TET3: variants seen among roughly 807,000 people sequenced by gnomAD.
TET3 encodes the protein methylcytosine dioxygenase TET3.
A neutral mutation model predicts 141.4 loss-of-function variants in TET3; 19 were observed. The ratio of observed to expected loss-of-function variants is 0.13; its 90% CI spans 0.09 to 0.20. The LOEUF is 0.20. Ranked by LOEUF, TET3 falls within the 10% of genes least tolerant of loss-of-function variation. The pLI is 1.00. For missense variants in TET3, 1,874 were observed against 2,356.9 expected (o/e 0.80, Z 4.24); for synonymous variants, 1,043 against 980.9 (o/e 1.06, Z -1.18).
chr2:74,027,150 T>A (rs190350446), intron 3 of TET3, among the ~76,000 whole-genome samples: 1 of 152,322 alleles, frequency 6.6e-6, no homozygotes, highest in Non-Finnish European at 1.5e-5. Context: ...CCCTTTCCTC[T>A]GTCCCTGTCT....
At chr2:74,055,406 G>A (rs1688161557) in intron 4 of TET3, among the ~76,000 whole-genome samples, 1 of 152,144 alleles carries the variant, frequency 6.6e-6, no homozygotes, top group Non-Finnish European at 1.5e-5. Context: ...GCTGTACATG[G>A]TTTCACAGGC....
At chr2:74,019,774 C>A (rs924337987) in intron 3 of TET3, among the ~76,000 whole-genome samples, 1 of 152,146 alleles carries the variant, frequency 6.6e-6, no homozygotes, top group African/African-American at 2.4e-5. Flanking sequence ...CTTGTCCCCG[C>A]AGGAAAAAGG....
chr2:74,032,392 T>C (rs1373952094), intron 3 of TET3, among the ~76,000 whole-genome samples: 1 of 103,424 alleles, frequency 9.7e-6, no homozygotes, highest in Non-Finnish European at 2.1e-5. Context: ...TTTCTGGCCA[T>C]GGGACGTGCA....
the TET3 span, among the ~76,000 whole-genome samples, chr2:74,115,211 T>C: frequency 2.0e-5 from 3 of 152,070 alleles, no homozygotes; most frequent in African/African-American, 7.2e-5. Flanking sequence ...ACTCATTCAA[T>C]AGGGAACGAA....
chr2:74,011,624 C>T (rs1685440101), intron 3 of TET3, among the ~76,000 whole-genome samples: 1 of 152,252 alleles, frequency 6.6e-6, no homozygotes. Context: ...TTCTTTTCTA[C>T]CTGGGCCTTA....
At chr2:73,998,619 C>T (rs1684706086) in intron 2 of TET3, 1 of 152,422 alleles carries the variant, frequency 6.6e-6, no homozygotes, top group South Asian at 2.1e-4. Context: ...CTTCCGCTGC[C>T]AAAGCTAATT....
chr2:73,995,278 A>G (rs1184804962), intron 2 of TET3, among the ~76,000 whole-genome samples: 1 of 152,214 alleles, frequency 6.6e-6, no homozygotes, highest in Non-Finnish European at 1.5e-5. Context: ...TGTTTTTTAG[A>G]TGACTACATG....
intron 8 of TET3, 136 bp downstream of exon 8, chr2:74,090,183 C>A: frequency 1.5e-6 from 2 of 1,334,320 alleles, no homozygotes; most frequent in Non-Finnish European, 2.0e-6. Context: ...TTTTTAAAAG[C>A]TGACCTTATC....
At chr2:74,041,375 C>T (rs1328994776) in intron 3 of TET3, among the ~76,000 whole-genome samples, 5 of 152,122 alleles carry the variant, frequency 3.3e-5, no homozygotes, top group Admixed American at 1.3e-4. Flanking sequence ...CCCTCATGCT[C>T]GCCTTCCTCT....
intron 6 of TET3, among the ~76,000 whole-genome samples, chr2:74,082,879 C>A (rs1341449786): frequency 6.6e-6 from 1 of 152,056 alleles, no homozygotes; most frequent in Non-Finnish European, 1.5e-5. Flanking sequence ...GTCAGGAGCC[C>A]GGAGCCGGTT....
In TET3 at chr2:74,100,758, C is replaced by G. The variant is rs1691150859; in HGVS notation, c.3970C>G (p.Leu1324Val). Residue 1324 changes from leucine to valine, a missense_variant, in exon 12 of 12, where the codon CTG (leucine) becomes GTG (valine). Coordinates refer to ENST00000409262, the MANE Select transcript of TET3 (RefSeq NM_001287491.2). ...SFEKKPDLHA[L>V]HNSLSPAYGG... ...TGAGAAGAAGCCAGACCTCCACGCT[C>G]TGCACAACAGCCTGAGCCCGGCCTA... 1 of 1,613,576 alleles carries G rather than the reference C, an allele frequency of 6.2e-7. No homozygotes were observed. The highest frequency in any genetic ancestry group is 1.7e-5 in the Admixed American group (1 of 59,942).
Position 74,060,504 on chromosome 2 carries a change from A to C in TET3, c.2494+12093A>C, listed in dbSNP as rs1688442074. ...GTCACCATCCATATGTAAAGTCTTC[A>C]TAAAAACATTTTTTTTTAAATTTAT... On this transcript the variant is annotated intron_variant, in intron 4 of 11. Transcript: ENST00000409262. 2.0e-5 allele frequency among the ~76,000 whole-genome samples: 3 copies of C among 152,202 alleles called. No homozygotes were observed. In the South Asian group the frequency reaches 6.2e-4, roughly 31 times the overall value.
In TET3 at chr2:74,101,503, C is replaced by T; in HGVS notation, c.4715C>T (p.Ala1572Val). The change falls in exon 12 of 12, where the codon GCC becomes GTC. Residue 1572 changes from alanine to valine, a missense_variant. By Grantham distance (64) the Ala-to-Val change is moderately conservative (BLOSUM62 0). Around this residue, in one of 10 missense-constraint regions of TET3, gnomAD observed 602 missense variants for 590.2 expected, o/e 1.02. Coordinates refer to ENST00000409262, the MANE Select transcript of TET3 (RefSeq NM_001287491.2). This position sits in a 1 kb window ranked among gnomAD's most constrained non-coding sequence, Gnocchi z 8.5. ...GEEGRIPAAGASQLDRAWQSF... is the reference protein window; with the variant it reads ...GEEGRIPAAGVSQLDRAWQSF... ...GAGGGCAGGATTCCAGCCGCAGGGG[C>T]CAGCCAGCTGGACAGGGCCTGGCAG... The T allele has an allele frequency of 1.9e-6, 3 of 1,612,810 alleles. No homozygotes were observed.
chr2:74,132,217 C>T, the TET3 span, among the ~76,000 whole-genome samples: 2 of 152,052 alleles, frequency 1.3e-5, no homozygotes, highest in Non-Finnish European at 2.9e-5. Flanking sequence ...ATTTTATATG[C>T]CCCCTGGACC....
intron 2 of TET3, among the ~76,000 whole-genome samples, chr2:73,999,895 G>C (rs1351846540): frequency 6.6e-6 from 1 of 152,188 alleles, no homozygotes; most frequent in Non-Finnish European, 1.5e-5. Context: ...AATGAGGCCA[G>C]GGTGAGATGG....
intron 4 of TET3, among the ~76,000 whole-genome samples, chr2:74,071,664 T>C: frequency 6.6e-6 from 1 of 152,216 alleles, no homozygotes; most frequent in East Asian, 1.9e-4. Context: ...CCAATGGTCC[T>C]TTTTCAGTCA....
At chr2:74,094,310 G>C (rs1482506727) in intron 10 of TET3, among the ~76,000 whole-genome samples, 1 of 152,204 alleles carries the variant, frequency 6.6e-6, no homozygotes, top group Non-Finnish European at 1.5e-5. Context: ...TCCGAGCGGG[G>C]AGCAGGCTGG....
downstream of TET3, among the ~76,000 whole-genome samples, chr2:74,108,636 C>G (rs1341721457): frequency 6.6e-6 from 1 of 152,178 alleles, no homozygotes; most frequent in Non-Finnish European, 1.5e-5. Context: ...CAGAGGTTTC[C>G]CGCAAGATCC....
chr2:74,031,015 C>T (rs1474022969), intron 3 of TET3, among the ~76,000 whole-genome samples: 1 of 151,842 alleles, frequency 6.6e-6, no homozygotes, highest in African/African-American at 2.4e-5. Context: ...AGGATGCAGG[C>T]GCTGAGTTAA....
Sources: gnomAD v4.1 joint callset for allele counts (sites outside exome capture counted in the v4.1 genomes callset) on GRCh38, gnomAD v4.1.1 for gene constraint, gnomAD v4.1.1 regional missense constraint, Gnocchi (gnomAD v3.1) non-coding constraint, MANE v1.5 for transcripts, NCBI Gene and HGNC (gene_info 2026-07-23, HGNC 2026-07-21) for gene names.